Variants in PFKP observed in about 807,000 individuals in gnomAD.
PFKP encodes phosphofructokinase, platelet, also known as ATP-dependent 6-phosphofructokinase, platelet type.
Under a neutral mutation model 94.3 loss-of-function variants are expected in PFKP, and 101 were observed. The ratio of observed to expected loss-of-function variants is 1.07; its 90% confidence interval spans 0.91 to 1.26. PFKP has a LOEUF of 1.26. PFKP is among the 50% of genes most tolerant of loss of function. The pLI is 0.00. For missense variants in PFKP, 1,145 were observed against 1,103.3 expected (o/e 1.04, Z -0.53); for synonymous variants, 573 against 432.6 (o/e 1.32, Z -4.03).
At chr10:3,080,378 G>T (rs552761092) in intron 1 of PFKP, among the ~76,000 whole-genome samples, 19 of 151,998 alleles carry the variant, frequency 1.3e-4, no homozygotes, top group African/African-American at 3.9e-4. Context: ...TTAGCCAGGC[G>T]TGGTGGCGGG....
intron 16 of PFKP, among the ~76,000 whole-genome samples, chr10:3,126,590 C>T (rs892244075): frequency 6.6e-6 from 1 of 152,230 alleles, no homozygotes; most frequent in African/African-American, 2.4e-5. Context: ...CCACCGACTT[C>T]AGCAGAGGCT....
At chr10:3,084,266 C>T (rs1833311461) in intron 2 of PFKP, among the ~76,000 whole-genome samples, 1 of 152,224 alleles carries the variant, frequency 6.6e-6, no homozygotes, top group Non-Finnish European at 1.5e-5. Flanking sequence ...GGTGCTCTAG[C>T]TCCCATGATG....
chr10:3,092,138 T>G (rs1244511528), intron 2 of PFKP, among the ~76,000 whole-genome samples: 2 of 151,570 alleles, frequency 1.3e-5, no homozygotes, highest in African/African-American at 4.9e-5. Flanking sequence ...AGGGTCTCCA[T>G]CTCCCCATGG....
chr10:3,125,583 C>A (rs1411213982), intron 16 of PFKP, among the ~76,000 whole-genome samples: 1 of 150,710 alleles, frequency 6.6e-6, no homozygotes, highest in African/African-American at 2.5e-5. Flanking sequence ...GCTGTGGGAG[C>A]CTGCAGGAAG....
Position 3,136,699 on chromosome 10 carries a change from C to T in PFKP, c.*120C>T. The T allele has an allele frequency of 5.8e-6, 6 of 1,031,646 alleles. No individual in the cohort carries two copies. Among genetic ancestry groups the T allele is most frequent in the Non-Finnish European group, 8.5e-6 (6 of 704,306 alleles). 63.9% of individuals were successfully genotyped at this position (1,031,646 alleles called of 1,614,324 possible). On this transcript the variant is annotated 3_prime_UTR_variant, in exon 22 of 22. Transcript: ENST00000381125. ...ACATTAATACCTAATCGGCGAGTGC[C>T]CATCTGCCCCACCTGCTCCAGTGCG...
chr10:3,128,801 G>T (rs1838236640), intron 16 of PFKP, among the ~76,000 whole-genome samples: 1 of 152,172 alleles, frequency 6.6e-6, no homozygotes, highest in Non-Finnish European at 1.5e-5. Context: ...AGGGATTAGG[G>T]ATAGGACTGG....
chr10:3,095,234 ACCCATAGGTGAACTACG>A (rs1212339718), intron 2 of PFKP, among the ~76,000 whole-genome samples: 2 of 119,298 alleles, frequency 1.7e-5, no homozygotes, highest in Admixed American at 8.5e-5. Flanking sequence ...CGAGAAAGCC[ACCCATAGGTGAACTACG>A]CGCATAGGTG....
intron 13 of PFKP, among the ~76,000 whole-genome samples, chr10:3,115,870 C>T (rs913469072): frequency 3.9e-5 from 6 of 152,038 alleles, no homozygotes; most frequent in African/African-American, 1.5e-4. Context: ...GTGGAGATGC[C>T]CTGTGGCATC....
At chr10:3,079,672 G>GGGGGGGGA (rs1832890430) in intron 1 of PFKP, among the ~76,000 whole-genome samples, 2 of 111,580 alleles carry the variant, frequency 1.8e-5, no homozygotes, top group South Asian at 3.6e-4. Context: ...TGGGGGGGGG[G>GGGGGGGGA]GGAAGAGGAG....
intron 2 of PFKP, among the ~76,000 whole-genome samples, chr10:3,091,243 A>G (rs574742886): frequency 2.0e-5 from 3 of 152,218 alleles, no homozygotes; most frequent in African/African-American, 4.8e-5. Flanking sequence ...TTTTCCTTAG[A>G]AGCCTACAAA....
intron 1 of PFKP, among the ~76,000 whole-genome samples, chr10:3,073,811 CTG>C (rs550068755): frequency 3.3e-5 from 5 of 151,712 alleles, no homozygotes; most frequent in East Asian, 1.9e-4. Context: ...GATTTTATTT[CTG>C]TGTGTGTGTG....
At chr10:3,132,614 G>A (rs923246534) in intron 18 of PFKP, among the ~76,000 whole-genome samples, 173 bp downstream of exon 18, 3 of 141,326 alleles carry the variant, frequency 2.1e-5, no homozygotes, top group African/African-American at 7.3e-5. Context: ...AGGCTTGCCT[G>A]CATTTAGACA....
At position 3,067,672 on chromosome 10, in the gene PFKP, C is replaced by G. The variant is rs1831829528; in HGVS notation, c.77C>G (p.Ala26Gly). The change falls in exon 1 of 22, where the codon GCC (alanine) becomes GGC (glycine). Residue 26 changes from alanine to glycine, a missense_variant. Transcript: ENST00000381125. ...GAGCACCTCTCCGGGGCCGGCAAGGCCATCGGCGTGCTGACCAGCGGCGGG... is the reference window on the plus strand; with the variant it reads ...GAGCACCTCTCCGGGGCCGGCAAGGGCATCGGCGTGCTGACCAGCGGCGGG... ...FLEHLSGAGK[A>G]IGVLTSGGDA... is the part of the protein sequence containing the mutation. 2.0e-6 allele frequency: 3 copies of G among 1,530,998 alleles called. No homozygotes were observed. The highest frequency in any genetic ancestry group is 2.6e-6 in the Non-Finnish European group (3 of 1,138,476). The allele number at this position is 1,530,998 out of a possible 1,614,324, so 94.8% of individuals were successfully genotyped here.
intron 13 of PFKP, 84 bp downstream of exon 13, chr10:3,113,602 GC>G: frequency 8.4e-7 from 1 of 1,185,370 alleles, no homozygotes; most frequent in Non-Finnish European, 1.2e-6. Context: ...GCCCTCCATG[GC>G]CCTCATACCT....
Position 3,112,234 on chromosome 10 carries a change from C to A in PFKP, c.1102C>A (p.Gln368Lys). 2 of 1,613,236 alleles carry A rather than the reference C, an allele frequency of 1.2e-6. No homozygotes were observed. The highest frequency in any genetic ancestry group is 4.5e-5 in the East Asian group (2 of 44,882). The change falls in exon 11 of 22, where the codon CAG becomes AAG. Residue 368 changes from glutamine to lysine, a missense_variant. Gln to Lys is a moderately conservative substitution (Grantham distance 53). This residue lies in a region of PFKP where 1,119 missense variants were observed against 1,062.8 expected (regional missense o/e 1.05). Coordinates refer to ENST00000381125, the MANE Select transcript of PFKP (RefSeq NM_002627.5). ...MECVQMTQDV[Q>K]KAMDERRFQD... ...ATTGTTTTAAAAGACTCAGGATGTG[C>A]AGAAGGCGATGGACGAGAGGAGATT...
Position 3,134,586 on chromosome 10 carries a change from A to G in PFKP, c.2122+4A>G, listed in dbSNP as rs1839005859. 6.2e-7 allele frequency: 1 copy of G among 1,601,682 alleles called. No homozygotes were observed. Among genetic ancestry groups the G allele is most frequent in the Admixed American group, 1.7e-5 (1 of 60,004 alleles). On this transcript the variant is annotated splice_donor_region_variant and intron_variant, in intron 20 of 21. Coordinates refer to ENST00000381125, the MANE Select transcript of PFKP (RefSeq NM_002627.5). ...CTCAAGGAGGCCCGGGGCAGAGGTA[A>G]GGGGTCTGGGGAGGGAGGCCACAGC...
Position 3,129,899 on chromosome 10 carries a change from C to A in PFKP, c.1764C>A (p.Gly588=). Residue 588 remains glycine (G), a synonymous_variant, in exon 17 of 22, where the codon GGC becomes GGA. Coordinates refer to ENST00000381125, the MANE Select transcript of PFKP (RefSeq NM_002627.5). ...TCGAGACCATGGGCGGCTACTGTGG[C>A]TACCTGGCCAACATGGGGGGGCTCG... is the stretch of plus-strand genomic sequence containing the variant. ...FIIETMGGYC[G]YLANMGGLAA... 1 of 1,613,276 alleles carries A rather than the reference C, an allele frequency of 6.2e-7. No individual in the cohort carries two copies. The highest frequency in any genetic ancestry group is 8.5e-7 in the Non-Finnish European group (1 of 1,179,758).
At position 3,116,870 on chromosome 10, in the gene PFKP, T is replaced by A. The variant is rs149727814; in HGVS notation, c.1442+24T>A. On this transcript the variant is annotated intron_variant, in intron 14 of 21. Coordinates refer to ENST00000381125, the MANE Select transcript of PFKP (RefSeq NM_002627.5). ...CGGTAACTTCCAAATCTCAACTCTA[T>A]GACCTGCTTTTAAGGAAGAAGGAAG... 8.4e-3 allele frequency: 12,868 copies of A among 1,530,070 alleles called. 75 individuals are homozygous for A. Among genetic ancestry groups the A allele is most frequent in the Non-Finnish European group, 0.01 (11,250 of 1,103,220 alleles). 94.8% of individuals were successfully genotyped at this position (1,530,070 alleles called of 1,614,324 possible).
At chr10:3,133,940 G>GT (rs753156333) in intron 19 of PFKP, among the ~76,000 whole-genome samples, 1 of 152,212 alleles carries the variant, frequency 6.6e-6, no homozygotes, top group Non-Finnish European at 1.5e-5. Context: ...TATCAGACAT[G>GT]TAGTATACTT....
Sources: gnomAD v4.1 joint callset for allele counts (sites outside exome capture counted in the v4.1 genomes callset) on GRCh38, gnomAD v4.1.1 for gene constraint, gnomAD v4.1.1 regional missense constraint, MANE v1.5 for transcripts, NCBI Gene and HGNC (gene_info 2026-07-23, HGNC 2026-07-21) for gene names.